Variants in CDK14 observed in about 807,000 individuals in gnomAD.
CDK14 encodes cyclin dependent kinase 14.
Under a neutral mutation model 60.7 loss-of-function variants are expected in CDK14, and 34 were observed. The observed-to-expected ratio is 0.56, with a 90% CI of 0.43 to 0.75. The LOEUF (loss-of-function observed/expected upper bound fraction) is 0.75, where lower values mean the gene tolerates loss of function less well. Ranked by LOEUF, CDK14 falls within the 30% of genes least tolerant of loss-of-function variation. The probability of loss-of-function intolerance (pLI) is 0.00; values close to 1 mark genes in which losing one functional copy is unlikely to be tolerated. For synonymous variants in CDK14, 197 were observed against 203.7 expected (o/e 0.97, Z 0.28); for missense variants, 482 against 564.1 (o/e 0.85, Z 1.47).
chr7:90,859,525 A>G (rs1790934370), intron 5 of CDK14, among the ~76,000 whole-genome samples: 1 of 152,208 alleles, frequency 6.6e-6, no homozygotes, highest in Non-Finnish European at 1.5e-5. Context: ...ATTTATTTTA[A>G]TATGTTAAAA....
intron 14 of CDK14, among the ~76,000 whole-genome samples, chr7:91,183,426 C>G (rs941070144): frequency 6.6e-6 from 1 of 152,160 alleles, no homozygotes; most frequent in Non-Finnish European, 1.5e-5. Context: ...GTCACTCTAG[C>G]TCTCCTTTCA....
At chr7:90,629,807 A>C (rs1377457623) in intron 2 of CDK14, among the ~76,000 whole-genome samples, 1 of 152,160 alleles carries the variant, frequency 6.6e-6, no homozygotes, top group African/African-American at 2.4e-5. Flanking sequence ...TGGGTGGATC[A>C]CTTGAGGCCG....
chr7:90,714,671 A>C (rs1802182614), intron 2 of CDK14, among the ~76,000 whole-genome samples: 1 of 152,052 alleles, frequency 6.6e-6, no homozygotes, highest in Admixed American at 6.6e-5. Context: ...AAATGTTAAG[A>C]GCTTCAAAAG....
intron 4 of CDK14, among the ~76,000 whole-genome samples, chr7:90,785,588 A>T (rs1805541614): frequency 6.6e-6 from 1 of 152,008 alleles, no homozygotes; most frequent in Non-Finnish European, 1.5e-5. Context: ...GATGGAGACG[A>T]TCCTGGCTAA....
chr7:91,151,553 C>T (rs1275830084), intron 14 of CDK14, among the ~76,000 whole-genome samples: 1 of 152,086 alleles, frequency 6.6e-6, no homozygotes, highest in African/African-American at 2.4e-5. Flanking sequence ...TTTTGTTTCT[C>T]TGGTTGATTT....
chr7:90,799,629 G>C (rs1424485297), intron 5 of CDK14, among the ~76,000 whole-genome samples: 2 of 129,764 alleles, frequency 1.5e-5, no homozygotes, highest in African/African-American at 5.8e-5. Flanking sequence ...GGCAGAGGTT[G>C]TAGTGAGACA....
chr7:90,946,733 T>C (rs960944529), intron 8 of CDK14, among the ~76,000 whole-genome samples: 5 of 152,202 alleles, frequency 3.3e-5, no homozygotes, highest in Admixed American at 3.3e-4. Flanking sequence ...ATTTATTACA[T>C]GCCCTTTAGA....
intron 12 of CDK14, among the ~76,000 whole-genome samples, chr7:91,108,309 A>T (rs1228290390): frequency 6.6e-6 from 1 of 152,236 alleles, no homozygotes. Context: ...TCTGTCTCAA[A>T]AAAGAAAAAA....
At chr7:91,014,803 G>A (rs1320010535) in intron 10 of CDK14, among the ~76,000 whole-genome samples, 1 of 152,178 alleles carries the variant, frequency 6.6e-6, no homozygotes, top group Non-Finnish European at 1.5e-5. Context: ...TGGGTGAGGA[G>A]CCTGAGTGTC....
intron 5 of CDK14, among the ~76,000 whole-genome samples, chr7:90,835,830 G>A (rs1790076536): frequency 2.0e-5 from 3 of 152,062 alleles, no homozygotes; most frequent in Admixed American, 2.0e-4. Context: ...AAATATAGAT[G>A]GTGCAGCTTT....
rs563260278 is a variant in CDK14, at chr7:91,148,499, G to A, written c.*28+30291G>A. Among the ~76,000 whole-genome samples the A allele has an allele frequency of 3.9e-5, 6 of 152,360 alleles. No individual in the cohort carries two copies. In the East Asian group the frequency reaches 1.2e-3, roughly 29 times the overall value. ...AGCTTCCTGGGTGGGTATGAAGTTT[G>A]TGAGGTAATAGTTAGCATTGGTGCC... On this transcript the variant is annotated intron_variant, in intron 14 of 14. Transcript: ENST00000380050.
intron 10 of CDK14, among the ~76,000 whole-genome samples, chr7:91,011,240 G>A (rs779143336): frequency 1.3e-5 from 2 of 152,046 alleles, no homozygotes; most frequent in Non-Finnish European, 2.9e-5. Context: ...GTCCCTACCT[G>A]AGGCATGATA....
chr7:90,818,697 A>G (rs965931824), intron 5 of CDK14, among the ~76,000 whole-genome samples: 9 of 152,208 alleles, frequency 5.9e-5, no homozygotes, highest in Admixed American at 2.0e-4. Flanking sequence ...ATTTCCTCTC[A>G]ACTTTGAAAT....
chr7:91,162,051 T>C (rs780007096), intron 14 of CDK14, among the ~76,000 whole-genome samples: 1 of 152,210 alleles, frequency 6.6e-6, no homozygotes, highest in African/African-American at 2.4e-5. Context: ...CTTGATATCT[T>C]AAATGTTTGT....
At position 90,688,812 on chromosome 7, in the gene CDK14, T is replaced by C. The variant is rs184562223; in HGVS notation, c.124-37755T>C. Among the ~76,000 whole-genome samples, 8 of 152,264 alleles carry C rather than the reference T, an allele frequency of 5.3e-5. No individual in the cohort carries two copies. In the East Asian group the frequency reaches 1.5e-3, roughly 29 times the overall value. ...GAGACAGTTTGGAACAGCGTTCATA[T>C]GTAGAAACAATATTTACAATATGAT... On this transcript the variant is annotated intron_variant, in intron 2 of 14. Coordinates refer to ENST00000380050, the MANE Select transcript of CDK14 (RefSeq NM_001287135.2).
chr7:90,859,870 C>T (rs1790948432), intron 5 of CDK14, among the ~76,000 whole-genome samples: 1 of 151,998 alleles, frequency 6.6e-6, no homozygotes. Flanking sequence ...CAACTAGATT[C>T]TGAATAAATA....
intron 2 of CDK14, among the ~76,000 whole-genome samples, chr7:90,655,269 C>A (rs556457600): frequency 2.4e-4 from 36 of 152,176 alleles, no homozygotes; most frequent in African/African-American, 7.2e-4. Flanking sequence ...ATTTACCTAT[C>A]TTGATTGTTT....
chr7:90,998,101 A>G (rs765905361), intron 10 of CDK14, among the ~76,000 whole-genome samples: 3 of 152,216 alleles, frequency 2.0e-5, no homozygotes, highest in Non-Finnish European at 4.4e-5. Flanking sequence ...TCTTCCTAAT[A>G]TACCATCATG....
At chr7:90,696,753 G>C (rs577366754) in intron 2 of CDK14, among the ~76,000 whole-genome samples, 1 of 152,302 alleles carries the variant, frequency 6.6e-6, no homozygotes, top group African/African-American at 2.4e-5. Context: ...TAAAGAGGGA[G>C]TGTAGGCAGA....
Sources: allele counts gnomAD v4.1 joint callset (sites outside exome capture counted in the v4.1 genomes callset), GRCh38; gene constraint gnomAD v4.1.1; transcripts MANE v1.5; gene names NCBI Gene and HGNC (gene_info 2026-07-23, HGNC 2026-07-21).